Variants in MAF observed in about 807,000 individuals in gnomAD.
MAF encodes transcription factor Maf.
A neutral mutation model predicts 22.0 loss-of-function variants in MAF; 10 were observed. The ratio of observed to expected loss-of-function variants is 0.45; its 90% CI spans 0.28 to 0.77. MAF has a LOEUF of 0.77. MAF is among the 30% of genes least tolerant of loss of function. MAF has a pLI of 0.12. For synonymous variants in MAF, 337 were observed against 255.8 expected (o/e 1.32, Z -3.03); for missense variants, 544 against 548.4 (o/e 0.99, Z 0.08).
the MAF span, among the ~76,000 whole-genome samples, chr16:79,279,056 A>G: frequency 2.0e-5 from 3 of 152,226 alleles, no homozygotes; most frequent in South Asian, 6.2e-4. Context: ...TTCTGAATAT[A>G]TTTTATCATT....
At chr16:79,299,522 G>C in the MAF span, among the ~76,000 whole-genome samples, 11 of 152,182 alleles carry the variant, frequency 7.2e-5, no homozygotes, top group African/African-American at 2.2e-4. Flanking sequence ...TCAAGGAAGA[G>C]AGGGAAACTC....
the MAF span, among the ~76,000 whole-genome samples, chr16:79,417,958 C>T: frequency 2.2e-4 from 33 of 152,218 alleles, no homozygotes; most frequent in African/African-American, 7.7e-4. Flanking sequence ...GAGAGTTTCC[C>T]CCGACTGGCC....
At chr16:79,528,760 G>C in the MAF span, among the ~76,000 whole-genome samples, 1 of 152,152 alleles carries the variant, frequency 6.6e-6, no homozygotes, top group African/African-American at 2.4e-5. Context: ...TTCTCACAGA[G>C]TAATCCAAAA....
the MAF span, among the ~76,000 whole-genome samples, chr16:79,527,251 T>G: frequency 6.6e-6 from 1 of 152,210 alleles, no homozygotes. Context: ...CTGCCTGTTT[T>G]CTTTGATATA....
At chr16:79,207,452 C>A in the MAF span, among the ~76,000 whole-genome samples, 1 of 152,230 alleles carries the variant, frequency 6.6e-6, no homozygotes, top group Non-Finnish European at 1.5e-5. Flanking sequence ...GTGTTCCAAG[C>A]CTAATCTAAC....
the MAF span, among the ~76,000 whole-genome samples, chr16:79,549,985 T>G: frequency 6.6e-6 from 1 of 152,186 alleles, no homozygotes; most frequent in African/African-American, 2.4e-5. Flanking sequence ...TATCTAGCCT[T>G]GGTGGCAGTA....
the MAF span, among the ~76,000 whole-genome samples, chr16:79,352,645 T>C: frequency 6.6e-6 from 1 of 152,308 alleles, no homozygotes; most frequent in African/African-American, 2.4e-5. Flanking sequence ...CCTCAGCTAA[T>C]AAAAAGTAGA....
the MAF span, among the ~76,000 whole-genome samples, chr16:79,558,717 G>A: frequency 1.3e-5 from 2 of 152,164 alleles, no homozygotes; most frequent in Non-Finnish European, 2.9e-5. Context: ...GCCTTTCTAA[G>A]CCTTACTACC....
chr16:79,337,390 T>C, the MAF span, among the ~76,000 whole-genome samples: 7 of 151,904 alleles, frequency 4.6e-5, no homozygotes, highest in African/African-American at 1.7e-4. Flanking sequence ...GCCAGTACGG[T>C]GAAATTCTGT....
At chr16:79,578,148 CT>C in the MAF span, among the ~76,000 whole-genome samples, 228 of 152,188 alleles carry the variant, frequency 1.5e-3, no homozygotes, top group African/African-American at 5.1e-3. Context: ...AAAATGATCA[CT>C]TTTTTAAACC....
the MAF span, among the ~76,000 whole-genome samples, chr16:79,396,391 C>T: frequency 6.6e-6 from 1 of 152,176 alleles, no homozygotes; most frequent in Admixed American, 6.5e-5. Flanking sequence ...GAGTTTTGCT[C>T]TCATGGTTGT....
At chr16:79,259,144 G>C in the MAF span, among the ~76,000 whole-genome samples, 1 of 152,088 alleles carries the variant, frequency 6.6e-6, no homozygotes, top group South Asian at 2.1e-4. Context: ...AATTAGAAAC[G>C]AAAGCCAATT....
chr16:79,246,727 G>C, the MAF span, among the ~76,000 whole-genome samples: 2 of 152,122 alleles, frequency 1.3e-5, no homozygotes, highest in Non-Finnish European at 2.9e-5. Context: ...ATAATCTGTG[G>C]TGGGTGGAAT....
the MAF span, among the ~76,000 whole-genome samples, chr16:79,301,738 T>G: frequency 2.0e-5 from 3 of 152,312 alleles, no homozygotes; most frequent in Non-Finnish European, 4.4e-5. Flanking sequence ...GCATATACAT[T>G]TACACACACA....
At chr16:79,416,805 C>T in the MAF span, among the ~76,000 whole-genome samples, 1 of 152,214 alleles carries the variant, frequency 6.6e-6, no homozygotes, top group Non-Finnish European at 1.5e-5. Context: ...GTTGGGGAAG[C>T]CGCTGTGTTG....
At chr16:79,511,297 C>T in the MAF span, among the ~76,000 whole-genome samples, 5 of 152,056 alleles carry the variant, frequency 3.3e-5, no homozygotes, top group African/African-American at 1.2e-4. Context: ...ACGTCATTCT[C>T]ATAGCCAAGA....
chr16:79,500,801 T>A, the MAF span, among the ~76,000 whole-genome samples: 1 of 152,170 alleles, frequency 6.6e-6, no homozygotes, highest in African/African-American at 2.4e-5. Context: ...TTGGGACTCA[T>A]GGAGGTGTCT....
At chr16:79,336,653 T>C in the MAF span, among the ~76,000 whole-genome samples, 1 of 152,080 alleles carries the variant, frequency 6.6e-6, no homozygotes, top group African/African-American at 2.4e-5. Context: ...GAAGGTTAAA[T>C]AATTGGCCCA....
chr16:79,552,450 C>G, the MAF span, among the ~76,000 whole-genome samples: 1 of 152,302 alleles, frequency 6.6e-6, no homozygotes, highest in South Asian at 2.1e-4. Context: ...CTCAAGCAAT[C>G]CTCCCATGTC....
Sources: gnomAD v4.1 joint callset for allele counts (sites outside exome capture counted in the v4.1 genomes callset) on GRCh38, gnomAD v4.1.1 for gene constraint, MANE v1.5 for transcripts, NCBI Gene and HGNC (gene_info 2026-07-23, HGNC 2026-07-21) for gene names.